The following ACACB variants were observed in gnomAD, a reference collection of about 807,000 sequenced individuals.
The protein encoded by ACACB is acetyl-CoA carboxylase 2.
ACACB carries 209 observed loss-of-function variants against 278.8 expected under a neutral mutation model. The observed-to-expected ratio is 0.75, with a 90% confidence interval of 0.67 to 0.84. ACACB has a LOEUF of 0.84. ACACB is among the 40% of genes least tolerant of loss of function. The probability of loss-of-function intolerance (pLI) is 0.00; values close to 1 mark genes in which losing one functional copy is unlikely to be tolerated. For synonymous variants in ACACB, 1,174 were observed against 1,285.6 expected, an observed-to-expected ratio of 0.91 and a Z score of 1.86; for missense variants, 2,850 against 3,269.0, an observed-to-expected ratio of 0.87 and a Z score of 3.13.
intron 34 of ACACB, among the ~76,000 whole-genome samples, chr12:109,238,005 C>G (rs1435595508): frequency 7.1e-6 from 1 of 141,000 alleles, no homozygotes; most frequent in Non-Finnish European, 1.5e-5. Context: ...GAGTGAGACC[C>G]TATCACAAAA....
At chr12:109,127,138 C>A (rs2135962117) in intron 1 of ACACB, among the ~76,000 whole-genome samples, 1 of 152,178 alleles carries the variant, frequency 6.6e-6, no homozygotes, top group Admixed American at 6.5e-5. Flanking sequence ...TAGGGTAGCC[C>A]ATTAAACAAT....
intron 44 of ACACB, 43 bp from the exon 45 acceptor site, chr12:109,256,097 C>A: frequency 6.4e-7 from 1 of 1,572,170 alleles, no homozygotes; most frequent in Non-Finnish European, 8.7e-7. Flanking sequence ...GGGCCCCCAG[C>A]CACCTGGCCC....
intron 46 of ACACB, 114 bp downstream of exon 46, chr12:109,258,478 C>A: frequency 1.3e-6 from 1 of 793,324 alleles, no homozygotes; most frequent in Non-Finnish European, 2.0e-6. Flanking sequence ...AAGCAGGGGA[C>A]CCAGTGCAGT....
At position 109,222,588 on chromosome 12, in the gene ACACB, G is replaced by C; in HGVS notation, c.3646G>C (p.Glu1216Gln). Reference protein sequence around the residue: ...LNELTQLSKSEHCKVALRARQ... With the variant: ...LNELTQLSKSQHCKVALRARQ... ...CGAGCTCACTCAGCTGAGCAAAAGC[G>C]AGCACTGCAAAGTGGCCCTCAGAGC... is the stretch of plus-strand genomic sequence containing the variant. Residue 1216 changes from glutamate to glutamine, a missense_variant, in exon 25 of 53, where the codon GAG becomes CAG. Glu to Gln is a conservative substitution (Grantham distance 29). Coordinates refer to ENST00000338432, the MANE Select transcript of ACACB (RefSeq NM_001093.4). 1 of 1,614,154 alleles carries C rather than the reference G, an allele frequency of 6.2e-7. No individual in the cohort carries two copies.
intron 2 of ACACB, among the ~76,000 whole-genome samples, chr12:109,158,171 G>A (rs975826387): frequency 3.9e-5 from 6 of 152,164 alleles, no homozygotes; most frequent in South Asian, 4.2e-4. Flanking sequence ...TATTATAAAC[G>A]GCCAGACAGT....
At chr12:109,234,078 G>C in intron 31 of ACACB, 33 bp downstream of exon 31, 1 of 1,539,730 alleles carries the variant, frequency 6.5e-7, no homozygotes, top group Non-Finnish European at 8.9e-7. Flanking sequence ...TTTGGTGGGG[G>C]TTCTTGGAGA....
chr12:109,174,088 T>C, intron 6 of ACACB, 44 bp from the exon 7 acceptor site: 2 of 1,551,118 alleles, frequency 1.3e-6, no homozygotes, highest in Non-Finnish European at 1.8e-6. Flanking sequence ...GAGGGTCTTG[T>C]GACTGACCGG....
chr12:109,153,755 C>T (rs958924799), intron 2 of ACACB, among the ~76,000 whole-genome samples: 2 of 152,134 alleles, frequency 1.3e-5, no homozygotes, highest in African/African-American at 4.8e-5. Flanking sequence ...CTCCGCCTCT[C>T]GGGTTTTAGT....
intron 3 of ACACB, among the ~76,000 whole-genome samples, chr12:109,167,623 A>ATG (rs2043957565): frequency 9.4e-6 from 1 of 106,816 alleles, no homozygotes; most frequent in African/African-American, 3.8e-5. Flanking sequence ...ATGTATGTGT[A>ATG]TATATATATA....
intron 1 of ACACB, among the ~76,000 whole-genome samples, chr12:109,117,788 A>G (rs954140533): frequency 7.2e-5 from 11 of 152,212 alleles, no homozygotes; most frequent in Admixed American, 3.9e-4. Flanking sequence ...TGAAGATATT[A>G]TTATTATCAT....
At chr12:109,176,701 C>T (rs781365122) in intron 9 of ACACB, among the ~76,000 whole-genome samples, 6 of 152,222 alleles carry the variant, frequency 3.9e-5, no homozygotes, top group Non-Finnish European at 8.8e-5. Context: ...ACTGCAACCT[C>T]TGCCTTCCAG....
At chr12:109,137,606 G>A (rs1013180203) in intron 1 of ACACB, among the ~76,000 whole-genome samples, 14 of 151,730 alleles carry the variant, frequency 9.2e-5, no homozygotes, top group African/African-American at 3.4e-4. Context: ...GTTGCAGTGA[G>A]CTGAGATTAC....
intron 34 of ACACB, among the ~76,000 whole-genome samples, chr12:109,238,534 A>G (rs1011010698): frequency 6.9e-6 from 1 of 145,210 alleles, no homozygotes; most frequent in Non-Finnish European, 1.5e-5. Context: ...ATATAAATAT[A>G]TATTTATATA....
At chr12:109,152,640 C>CT (rs34863094) in intron 2 of ACACB, among the ~76,000 whole-genome samples, 24,498 of 75,510 alleles carry the variant, frequency 0.32, 4,675 homozygotes, top group Non-Finnish European at 0.41. Flanking sequence ...TTCTTTCTTT[C>CT]TTTTTTTTTT....
intron 28 of ACACB, among the ~76,000 whole-genome samples, chr12:109,229,217 AC>A (rs1182663282): frequency 6.6e-6 from 1 of 152,176 alleles, no homozygotes; most frequent in Non-Finnish European, 1.5e-5. Context: ...TGCTGGGATT[AC>A]AGGCGTGAGC....
chr12:109,206,306 C>T (rs755179826), intron 19 of ACACB, among the ~76,000 whole-genome samples: 10 of 151,668 alleles, frequency 6.6e-5, no homozygotes, highest in Non-Finnish European at 8.8e-5. Context: ...TGGTGGCCTG[C>T]GCCTGTAGTC....
At chr12:109,164,301 C>T (rs984603424) in intron 2 of ACACB, among the ~76,000 whole-genome samples, 7 of 152,152 alleles carry the variant, frequency 4.6e-5, no homozygotes, top group Non-Finnish European at 7.3e-5. Flanking sequence ...GGCGCGATCT[C>T]GGCTTACTGC....
chr12:109,266,318 G>C lies in ACACB; in HGVS notation c.7333G>C (p.Val2445Leu), dbSNP rs765367679. ...QHISPAERAQ[V>L]VHLLSTMDSP... Reference sequence around the variant, plus strand: ...CATCAGCCCAGCTGAGCGGGCGCAGGTCGTTCACCTGCTGTCTACCATGGA... The same window carrying C: ...CATCAGCCCAGCTGAGCGGGCGCAGCTCGTTCACCTGCTGTCTACCATGGA... The change falls in exon 53 of 53, where the codon GTC becomes CTC. Residue 2445 changes from valine to leucine, a missense_variant. Transcript: ENST00000338432. 61 of 1,613,174 alleles carry C rather than the reference G, an allele frequency of 3.8e-5. No individual in the cohort carries two copies. Among genetic ancestry groups the C allele is most frequent in the Non-Finnish European group, 5.1e-5 (60 of 1,179,974 alleles).
At chr12:109,215,568 C>G (rs1276252649) in intron 22 of ACACB, among the ~76,000 whole-genome samples, 14 of 152,058 alleles carry the variant, frequency 9.2e-5, no homozygotes, top group Non-Finnish European at 7.4e-5. Context: ...TCGAGACCAT[C>G]CTGGCTAACA....
Sources: allele counts gnomAD v4.1 joint callset (sites outside exome capture counted in the v4.1 genomes callset), GRCh38; gene constraint gnomAD v4.1.1; transcripts MANE v1.5; gene names NCBI Gene and HGNC (gene_info 2026-07-23, HGNC 2026-07-21).